Variants in COL10A1 observed in about 807,000 individuals in gnomAD.
COL10A1 encodes the protein collagen alpha-1(X) chain.
In COL10A1, 10 loss-of-function variants were observed where a neutral mutation model predicts 18.2. That is an observed-to-expected ratio of 0.55 (90% CI 0.34 to 0.93). COL10A1 has a LOEUF of 0.93. Among genes scored for constraint, COL10A1 ranks in the 40% least tolerant of loss-of-function variants. COL10A1 has a pLI of 0.02. For synonymous variants in COL10A1, 330 were observed against 316.6 expected, an observed-to-expected ratio of 1.04 and a Z score of -0.45; for missense variants, 897 against 853.5, an observed-to-expected ratio of 1.05 and a Z score of -0.64.
At position 116,120,686 on chromosome 6, in the gene COL10A1, G is replaced by C. The variant is rs751106978; in HGVS notation, c.1430C>G (p.Pro477Arg). The C allele has an allele frequency of 3.2e-6, 5 of 1,547,934 alleles. No individual in the cohort carries two copies. Among genetic ancestry groups the C allele is most frequent in the Non-Finnish European group, 4.3e-6 (5 of 1,154,438 alleles). Residue 477 changes from proline (P) to arginine (R), a missense_variant, in exon 3 of 3, where the codon CCA (proline) becomes CGA (arginine). By Grantham distance (103) the Pro-to-Arg change is moderately radical. Transcript: ENST00000651968. ...GAGGCCCTTAGTTGCTATGCCAGCT[G>C]GGCCAGGAGGACCGGGACTTCCTGG... ...GDPGSPGPPG[P>R]AGIATKGLNG...
Position 116,152,286 on chromosome 6 carries a change from C to T in COL10A1, c.-16+6328G>A, listed in dbSNP as rs73772293. On this transcript the variant is annotated intron_variant, in intron 1 of 1. Transcript: ENST00000418500. ...TTAATAATGATTAAGGTTTTAACACCTTAAAGGTGCACACAACAGTTGATT... is the reference window on the plus strand; with the variant it reads ...TTAATAATGATTAAGGTTTTAACACTTTAAAGGTGCACACAACAGTTGATT... 2.3e-3 allele frequency among the ~76,000 whole-genome samples: 345 copies of T among 152,254 alleles called. 2 individuals carry two copies. Among genetic ancestry groups the T allele is most frequent in the African/African-American group, 8.1e-3 (338 of 41,550 alleles).
the COL10A1 span, among the ~76,000 whole-genome samples, chr6:116,171,984 C>T: frequency 3.3e-5 from 5 of 151,964 alleles, no homozygotes; most frequent in East Asian, 3.9e-4. Context: ...GTATGACAGC[C>T]GCCACATCTT....
chr6:116,172,809 T>C, the COL10A1 span, among the ~76,000 whole-genome samples: 1 of 152,210 alleles, frequency 6.6e-6, no homozygotes. Context: ...TGTTTGGAAT[T>C]CTTGAAATTT....
chr6:116,189,058 A>G, the COL10A1 span, among the ~76,000 whole-genome samples: 1 of 151,952 alleles, frequency 6.6e-6, no homozygotes, highest in Non-Finnish European at 1.5e-5. Flanking sequence ...TCACAGTTAA[A>G]GTCATTATCA....
the COL10A1 span, among the ~76,000 whole-genome samples, chr6:116,201,165 C>T: frequency 6.6e-6 from 1 of 151,884 alleles, no homozygotes; most frequent in Non-Finnish European, 1.5e-5. Context: ...GAATGAGTCA[C>T]CACATGTAAA....
chr6:116,179,106 T>G, the COL10A1 span, among the ~76,000 whole-genome samples: 1 of 152,220 alleles, frequency 6.6e-6, no homozygotes, highest in Non-Finnish European at 1.5e-5. Context: ...TAAGTAGAGA[T>G]ATTTAGCTTC....
the COL10A1 span, among the ~76,000 whole-genome samples, chr6:116,199,653 G>A: frequency 1.3e-5 from 2 of 152,002 alleles, no homozygotes; most frequent in African/African-American, 4.8e-5. Context: ...TGTAGTGCCA[G>A]AAGTAAATAA....
chr6:116,181,203 A>G, the COL10A1 span, among the ~76,000 whole-genome samples: 1 of 152,068 alleles, frequency 6.6e-6, no homozygotes, highest in East Asian at 1.9e-4. Flanking sequence ...AAATTTCCAT[A>G]AGAATGAAAA....
At chr6:116,172,078 GT>G in the COL10A1 span, among the ~76,000 whole-genome samples, 1 of 152,102 alleles carries the variant, frequency 6.6e-6, no homozygotes, top group African/African-American at 2.4e-5. Context: ...TGGTTTCAGT[GT>G]TTTTTCCATC....
chr6:116,173,381 G>C, the COL10A1 span, among the ~76,000 whole-genome samples: 1 of 152,154 alleles, frequency 6.6e-6, no homozygotes, highest in Non-Finnish European at 1.5e-5. Flanking sequence ...TCTCCCATCT[G>C]GGGTGGGAAA....
At chr6:116,157,806 C>T (rs970639458) in intron 1 of COL10A1, among the ~76,000 whole-genome samples, 1 of 152,166 alleles carries the variant, frequency 6.6e-6, no homozygotes, top group Non-Finnish European at 1.5e-5. Context: ...GATAATAAGA[C>T]CACCCAGCTG....
chr6:116,173,750 A>G, the COL10A1 span, among the ~76,000 whole-genome samples: 1 of 152,214 alleles, frequency 6.6e-6, no homozygotes, highest in African/African-American at 2.4e-5. Context: ...GATAAAGACA[A>G]TATAGAGTGA....
At chr6:116,213,333 C>A in the COL10A1 span, among the ~76,000 whole-genome samples, 1 of 152,062 alleles carries the variant, frequency 6.6e-6, no homozygotes, top group Non-Finnish European at 1.5e-5. Context: ...GGAGCACCTA[C>A]AACACAAATT....
Position 116,120,776 on chromosome 6 carries a change from A to G in COL10A1, c.1340T>C (p.Ile447Thr), listed in dbSNP as rs751211503. The change falls in exon 3 of 3, where the codon ATA (isoleucine) becomes ACA (threonine). Residue 447 changes from isoleucine to threonine, a missense_variant. Transcript: ENST00000651968. ...CCCAATAGGGCCTCTAGTACCTGGT[A>G]TTCCAGGGGCACCTCTTGGGCCAGC... The part of the protein sequence containing the change: ...GEAGPRGAPG[I>T]PGTRGPIGPP... 1.2e-6 allele frequency: 2 copies of G among 1,613,038 alleles called. No individual in the cohort carries two copies. Among genetic ancestry groups the G allele is most frequent in the South Asian group, 1.1e-5 (1 of 91,078 alleles).
At chr6:116,164,548 T>G in the COL10A1 span, among the ~76,000 whole-genome samples, 1 of 152,226 alleles carries the variant, frequency 6.6e-6, no homozygotes, top group African/African-American at 2.4e-5. Context: ...AATTTGCTAA[T>G]CTATCTCTTT....
the COL10A1 span, among the ~76,000 whole-genome samples, chr6:116,200,828 T>C: frequency 1.3e-5 from 2 of 151,966 alleles, no homozygotes; most frequent in African/African-American, 4.8e-5. Context: ...TTGGCATAAA[T>C]CCTGTGGCAG....
intron 1 of COL10A1, among the ~76,000 whole-genome samples, chr6:116,150,006 C>T (rs1004869973): frequency 6.6e-6 from 1 of 152,166 alleles, no homozygotes; most frequent in Non-Finnish European, 1.5e-5. Flanking sequence ...CATCTGCCCC[C>T]CAAAGTACTG....
intron 1 of COL10A1, among the ~76,000 whole-genome samples, chr6:116,150,832 A>G (rs1463265407): frequency 6.6e-6 from 1 of 152,210 alleles, no homozygotes; most frequent in Non-Finnish European, 1.5e-5. Context: ...GTGAATATCA[A>G]ATGTGAATTT....
intron 1 of COL10A1, among the ~76,000 whole-genome samples, chr6:116,152,193 A>G (rs1295729474): frequency 1.3e-5 from 2 of 152,176 alleles, no homozygotes; most frequent in African/African-American, 4.8e-5. Flanking sequence ...ACTAGTTTGA[A>G]GATTTAGAAT....
Sources: gnomAD v4.1 joint callset for allele counts (sites outside exome capture counted in the v4.1 genomes callset) on GRCh38, gnomAD v4.1.1 for gene constraint, MANE v1.5 for transcripts, NCBI Gene and HGNC (gene_info 2026-07-23, HGNC 2026-07-21) for gene names.